NUP188: variants seen among roughly 807,000 people sequenced by gnomAD.
NUP188 encodes nucleoporin 188, also known as nucleoporin NUP188.
Under a neutral mutation model 223.0 loss-of-function variants are expected in NUP188, and 97 were observed. The observed-to-expected ratio is 0.43, with a 90% confidence interval of 0.37 to 0.51. NUP188 has a LOEUF of 0.51. Ranked by LOEUF, NUP188 falls within the 20% of genes least tolerant of loss-of-function variation. The pLI, the probability that NUP188 is intolerant of heterozygous loss-of-function variation, is 0.00. For missense variants in NUP188, 1,947 were observed against 2,175.6 expected (o/e 0.89, Z 2.09); for synonymous variants, 869 against 828.0 (o/e 1.05, Z -0.85).
At chr9:128,980,462 GA>G (rs1404307526) in intron 13 of NUP188, 143 bp from the exon 14 acceptor site, 2 of 785,544 alleles carry the variant, frequency 2.5e-6, no homozygotes, top group Non-Finnish European at 3.9e-6. Flanking sequence ...GTGGAAATAT[GA>G]AAGTCTTAAA....
At chr9:128,981,991 C>A (rs928455842) in intron 15 of NUP188, among the ~76,000 whole-genome samples, 1 of 151,776 alleles carries the variant, frequency 6.6e-6, no homozygotes, top group African/African-American at 2.4e-5. Context: ...ACAGGAGAAT[C>A]GTTTGAACTT....
In NUP188 at chr9:129,001,653, G is replaced by A; in HGVS notation, c.3968G>A (p.Ser1323Asn). The A allele has an allele frequency of 6.2e-7, 1 of 1,614,008 alleles. No individual in the cohort carries two copies. Residue 1323 changes from serine to asparagine, a missense_variant, in exon 35 of 44, where the codon AGC becomes AAC. Around this residue, in one of 3 missense-constraint regions of NUP188, gnomAD observed 905 missense variants for 990.6 expected, o/e 0.91. Coordinates refer to ENST00000372577, the MANE Select transcript of NUP188 (RefSeq NM_015354.3). ...ACCCTCCTCACCACTCTAGAGGTGAGCCTTCGCATGAAGCAGAACCTGCAT... is the reference window on the plus strand; with the variant it reads ...ACCCTCCTCACCACTCTAGAGGTGAACCTTCGCATGAAGCAGAACCTGCAT... ...LPTLLTTLEV[S>N]LRMKQNLHFT...
intron 1 of NUP188, chr9:128,948,698 AGT>A (rs944831872): frequency 1.5e-5 from 2 of 129,770 alleles, no homozygotes; most frequent in African/African-American, 5.7e-5. Context: ...CTGTGCCAGC[AGT>A]GTTTTCCCCA....
Position 128,982,941 on chromosome 9 carries a change from A to T in NUP188, c.1709A>T (p.Asp570Val), listed in dbSNP as rs1842277206. The change falls in exon 17 of 44, where the codon GAT (aspartate) becomes GTT (valine). Residue 570 changes from aspartate to valine, a missense_variant. Physicochemically the swap from Asp to Val is radical, Grantham distance 152. This residue lies in a region of NUP188 where 817 missense variants were observed against 865.8 expected (regional missense o/e 0.94). Coordinates refer to ENST00000372577, the MANE Select transcript of NUP188 (RefSeq NM_015354.3). ...QHCQRVKPII[D>V]LVHKVISTDL... ...TGCCAGCGAGTCAAACCCATCATTG[A>T]TCTCGTCCATAAGGTCATCAGTACA... The T allele has an allele frequency of 6.2e-7, 1 of 1,614,114 alleles. No individual in the cohort carries two copies. The highest frequency in any genetic ancestry group is 8.5e-7 in the Non-Finnish European group (1 of 1,180,010).
intron 14 of NUP188, 83 bp from the exon 15 acceptor site, chr9:128,981,181 A>C: frequency 6.6e-7 from 1 of 1,513,238 alleles, no homozygotes; most frequent in Non-Finnish European, 9.0e-7. Flanking sequence ...GAAGTTTGAG[A>C]GTCTGGTTGA....
rs1038288317 is a variant in NUP188 at position 128,956,408 on chromosome 9, C to A, written c.220C>A (p.Leu74Met). 6.3e-7 allele frequency: 1 copy of A among 1,578,280 alleles called. No individual in the cohort carries two copies. The highest frequency in any genetic ancestry group is 1.4e-5 in the African/African-American group (1 of 72,864). ...AGATGTAGCTTCACCATTGAAGGAA[C>A]TGGGTTTAAGAATCAGCAAGTTTTT... ...NKDVASPLKELGLRISKFLGL... is the reference protein window; with the variant it reads ...NKDVASPLKEMGLRISKFLGL... Residue 74 changes from leucine to methionine, a missense_variant, in exon 4 of 44, where the codon CTG becomes ATG. Physicochemically the swap from Leu to Met is conservative, Grantham distance 15. Transcript: ENST00000372577.
intron 12 of NUP188, among the ~76,000 whole-genome samples, chr9:128,974,397 T>TG (rs1842143724): frequency 6.7e-6 from 1 of 149,800 alleles, no homozygotes; most frequent in South Asian, 2.1e-4. Flanking sequence ...TTGTTTTTTT[T>TG]TTTTTTTTTT....
rs143388445 is a variant in NUP188, at chr9:128,970,877, G to A, written c.1032G>A (p.Lys344=). Residue 344 remains lysine (K), a synonymous_variant, in exon 11 of 44, where the codon AAG becomes AAA. Coordinates refer to ENST00000372577, the MANE Select transcript of NUP188 (RefSeq NM_015354.3). The part of the protein sequence containing the change: ...NPEETSSVVR[K]IGGTAIQLNV... ...AAGAGACAAGCAGTGTGGTCCGGAA[G>A]ATAGGTGGCACAGCCATCCAGCTGA... 81 of 1,614,160 alleles carry A rather than the reference G, an allele frequency of 5.0e-5. 1 individual carries two copies. In the African/African-American group the frequency reaches 9.5e-4, roughly 19 times the overall value.
chr9:128,968,900 G>A (rs1363445398), intron 9 of NUP188, among the ~76,000 whole-genome samples, 183 bp downstream of exon 9: 1 of 152,168 alleles, frequency 6.6e-6, no homozygotes, highest in East Asian at 1.9e-4. Flanking sequence ...CTCAAAATGA[G>A]TATTGTAATC....
rs375427455 is a variant in NUP188 at position 128,947,736 on chromosome 9, G to C, written c.17G>C (p.Gly6Ala). 3,375 of 1,474,358 alleles carry C rather than the reference G, an allele frequency of 2.3e-3. 6 individuals carry two copies. Among genetic ancestry groups the C allele is most frequent in the Non-Finnish European group, 2.8e-3 (3,117 of 1,115,294 alleles). The allele number at this position is 1,474,358 out of a possible 1,614,324, so 91.3% of individuals were successfully genotyped here. The change falls in exon 1 of 44, where the codon GGC (glycine) becomes GCC (alanine). Residue 6 changes from glycine (G) to alanine (A), a missense_variant. Gly to Ala is a moderately conservative substitution (Grantham distance 60). Coordinates refer to ENST00000372577, the MANE Select transcript of NUP188 (RefSeq NM_015354.3). ...CGCGCGAAGATGGCGGCGGCCGCCG[G>C]CGGGCCGTGTGTGAGGTGCGGAGCG... The part of the protein sequence containing the change: MAAAA[G>A]GPCVRSSREL...
At position 128,962,376 on chromosome 9, in the gene NUP188, G is replaced by A. The variant is rs192579329; in HGVS notation, c.585+3242G>A. 5.1e-3 allele frequency among the ~76,000 whole-genome samples: 777 copies of A among 151,488 alleles called. 4 individuals carry two copies. Among genetic ancestry groups the A allele is most frequent in the Non-Finnish European group, 9.0e-3 (611 of 67,930 alleles). On this transcript the variant is annotated intron_variant, in intron 8 of 43. Transcript: ENST00000372577. Reference sequence around the variant, plus strand: ...CCGTTCTCCTGCCTCAGTCTCCCAAGTAGCTGGGACTGCAGGCGCCCACCA... The same window carrying A: ...CCGTTCTCCTGCCTCAGTCTCCCAAATAGCTGGGACTGCAGGCGCCCACCA...
Position 128,993,256 on chromosome 9 carries a change from C to T in NUP188, c.2700C>T (p.Ala900=). Residue 900 remains alanine (A), a synonymous_variant, in exon 26 of 44, where the codon GCC becomes GCT. Coordinates refer to ENST00000372577, the MANE Select transcript of NUP188 (RefSeq NM_015354.3). ...ATGATGCGGCTGCCATTCGTGATGC[C>T]TTCCTGACCCGATTGCAGAGCAAAA... ...LGNDAAAIRD[A]FLTRLQSKIE... 1.2e-6 allele frequency: 2 copies of T among 1,614,198 alleles called. No homozygotes were observed. Among genetic ancestry groups the T allele is most frequent in the Non-Finnish European group, 1.7e-6 (2 of 1,180,032 alleles).
chr9:128,952,398 CAAAAAAAAA>C (rs939252129), intron 2 of NUP188, among the ~76,000 whole-genome samples: 2 of 60,686 alleles, frequency 3.3e-5, no homozygotes, highest in East Asian at 1.1e-3. Context: ...GACTCCGTCT[CAAAAAAAAA>C]AAAAAAAAAG....
At chr9:128,958,164 A>G in intron 6 of NUP188, 110 bp downstream of exon 6, 1 of 790,858 alleles carries the variant, frequency 1.3e-6, no homozygotes, top group South Asian at 1.6e-5. Flanking sequence ...GTAAGCATGG[A>G]GGTCTTTATG....
intron 8 of NUP188, among the ~76,000 whole-genome samples, chr9:128,965,980 A>G (rs764671480): frequency 6.6e-6 from 1 of 151,448 alleles, no homozygotes; most frequent in Non-Finnish European, 1.5e-5. Flanking sequence ...TATTTTTAGT[A>G]GAGATGGGGT....
At chr9:128,960,147 T>C (rs1274548204) in intron 8 of NUP188, among the ~76,000 whole-genome samples, 1 of 145,990 alleles carries the variant, frequency 6.8e-6, no homozygotes, top group Non-Finnish European at 1.5e-5. Flanking sequence ...CACTGCAGGC[T>C]CCACCTCCCG....
Position 128,969,394 on chromosome 9 carries a change from T to C in NUP188, c.798-6T>C, listed in dbSNP as rs757485941. 6.3e-7 allele frequency: 1 copy of C among 1,576,368 alleles called. No individual in the cohort carries two copies. The highest frequency in any genetic ancestry group is 8.7e-7 in the Non-Finnish European group (1 of 1,146,640). ...TATAACATGGTGATACTATTTTTCT[T>C]TCTAGCTACTTCAGTGCCCTCATCC... On this transcript the variant is annotated splice_region_variant and splice_polypyrimidine_tract_variant and intron_variant, in intron 9 of 43. Coordinates refer to ENST00000372577, the MANE Select transcript of NUP188 (RefSeq NM_015354.3).
chr9:128,993,692 C>T lies in NUP188; in HGVS notation c.3015C>T (p.Thr1005=), dbSNP rs776776618. 2 of 1,613,946 alleles carry T rather than the reference C, an allele frequency of 1.2e-6. No individual in the cohort carries two copies. The highest frequency in any genetic ancestry group is 1.3e-5 in the African/African-American group (1 of 75,016). Reference sequence around the variant, plus strand: ...ACAGTGCCATGCTGGTCCTCCGAACCAAGTAAGTCTGCCTCTGGGAGTAGT... The same window carrying T: ...ACAGTGCCATGCTGGTCCTCCGAACTAAGTAAGTCTGCCTCTGGGAGTAGT... ...RRDSAMLVLR[T]KPKFWENLTS... The change falls in exon 27 of 44, where the codon ACC becomes ACT. Residue 1005 remains threonine, a splice_region_variant and synonymous_variant. Transcript: ENST00000372577.
At chr9:128,995,271 C>A (rs974973940) in intron 29 of NUP188, 48 bp from the exon 30 acceptor site, 2 of 1,473,362 alleles carry the variant, frequency 1.4e-6, no homozygotes, top group Non-Finnish European at 1.9e-6. Flanking sequence ...CCATTATATT[C>A]CCATCTGCTT....
Sources: allele counts gnomAD v4.1 joint callset (sites outside exome capture counted in the v4.1 genomes callset), GRCh38; gene constraint gnomAD v4.1.1; regional missense constraint gnomAD v4.1.1; transcripts MANE v1.5; gene names NCBI Gene and HGNC (gene_info 2026-07-23, HGNC 2026-07-21).